Variants in ANKRD62 observed in about 807,000 individuals in gnomAD.
ANKRD62 encodes the protein ankyrin repeat domain 62.
In ANKRD62, 61 loss-of-function variants were observed where a neutral mutation model predicts 98.8. The ratio of observed to expected loss-of-function variants is 0.62; its 90% confidence interval spans 0.50 to 0.76. ANKRD62 has a LOEUF of 0.76. ANKRD62 is among the 30% of genes least tolerant of loss of function. The pLI is 0.00. For missense variants in ANKRD62, 933 were observed against 1,082.9 expected, an observed-to-expected ratio of 0.86 and a Z score of 1.94; for synonymous variants, 341 against 367.9, an observed-to-expected ratio of 0.93 and a Z score of 0.84.
chr18:12,141,321 C>A, the ANKRD62 span, among the ~76,000 whole-genome samples: 1 of 152,188 alleles, frequency 6.6e-6, no homozygotes, highest in Non-Finnish European at 1.5e-5. Flanking sequence ...TGATGCCTCG[C>A]CCTGCTTCAG....
At chr18:12,119,550 C>T (rs186925087) in intron 10 of ANKRD62, among the ~76,000 whole-genome samples, 17 of 152,004 alleles carry the variant, frequency 1.1e-4, no homozygotes, top group African/African-American at 2.9e-4. Flanking sequence ...GCAGAAGGGG[C>T]GGAGGAGCTC....
the ANKRD62 span, among the ~76,000 whole-genome samples, chr18:12,152,934 T>C: frequency 5.3e-5 from 8 of 152,194 alleles, no homozygotes; most frequent in Admixed American, 6.5e-5. Context: ...AAAAATCTCC[T>C]TAAGCTGATA....
chr18:12,104,173 T>C (rs1909366566), intron 7 of ANKRD62, among the ~76,000 whole-genome samples: 1 of 152,114 alleles, frequency 6.6e-6, no homozygotes, highest in African/African-American at 2.4e-5. Context: ...TATCACACAA[T>C]GAATTAATGT....
chr18:12,165,491 G>A, the ANKRD62 span, among the ~76,000 whole-genome samples: 2 of 145,462 alleles, frequency 1.4e-5, no homozygotes, highest in Middle Eastern at 3.6e-3. Context: ...TTAAACTGAT[G>A]ACAACATAAT....
At chr18:12,121,314 G>T (rs917749666) in intron 10 of ANKRD62, among the ~76,000 whole-genome samples, 15 of 152,144 alleles carry the variant, frequency 9.9e-5, no homozygotes, top group Non-Finnish European at 1.8e-4. Flanking sequence ...AGAGTTTTCG[G>T]ATTATTTGTT....
In ANKRD62 at chr18:12,122,384, G is replaced by A. The variant is rs756742325; in HGVS notation, c.1322G>A (p.Arg441Gln). 12 of 1,535,390 alleles carry A rather than the reference G, an allele frequency of 7.8e-6. No individual in the cohort carries two copies. The highest frequency in any genetic ancestry group is 5.9e-5 in the Admixed American group (3 of 50,956). Residue 441 changes from arginine to glutamine, a missense_variant, in exon 11 of 14, where the codon CGA becomes CAA. By Grantham distance (43) the Arg-to-Gln change is conservative. This residue lies in a region of ANKRD62 where 549 missense variants were observed against 587.9 expected (regional missense o/e 0.93). Coordinates refer to ENST00000587848, the MANE Select transcript of ANKRD62 (RefSeq NM_001277333.2). Reference protein sequence around the residue: ...SIEDQKCYCERLKVKFQKMKN... With the variant: ...SIEDQKCYCEQLKVKFQKMKN... Reference sequence around the variant, plus strand: ...GAGGATCAAAAATGTTACTGTGAACGACTTAAAGTAAAATTTCAAAAAATG... The same window carrying A: ...GAGGATCAAAAATGTTACTGTGAACAACTTAAAGTAAAATTTCAAAAAATG...
the ANKRD62 span, among the ~76,000 whole-genome samples, chr18:12,151,931 T>A: frequency 3.3e-5 from 5 of 152,142 alleles, no homozygotes; most frequent in South Asian, 1.0e-3. Context: ...CTACTAAAAA[T>A]GCTTCTATGC....
intron 5 of ANKRD62, 70 bp from the exon 6 acceptor site, chr18:12,099,545 A>C: frequency 1.1e-6 from 1 of 935,986 alleles, no homozygotes; most frequent in Non-Finnish European, 1.5e-6. Context: ...TTAAGAATTT[A>C]ATGTATTTGG....
chr18:12,150,368 T>C, the ANKRD62 span, among the ~76,000 whole-genome samples: 2 of 152,182 alleles, frequency 1.3e-5, no homozygotes, highest in East Asian at 3.9e-4. Context: ...AGCCAACAAC[T>C]TGGAAAACCT....
At chr18:12,141,036 C>A in the ANKRD62 span, among the ~76,000 whole-genome samples, 1 of 152,262 alleles carries the variant, frequency 6.6e-6, no homozygotes. Context: ...TGTTTACCTA[C>A]TCAAGACTGA....
At chr18:12,095,753 A>G in intron 3 of ANKRD62, 143 bp downstream of exon 3, 1 of 804,322 alleles carries the variant, frequency 1.2e-6, no homozygotes. Flanking sequence ...CTATTTAAAA[A>G]TACATTCATA....
chr18:12,134,629 G>GT (rs1237563538), downstream of ANKRD62, among the ~76,000 whole-genome samples: 2 of 151,932 alleles, frequency 1.3e-5, no homozygotes, highest in African/African-American at 2.4e-5. Context: ...GCGGTGTTTG[G>GT]TTTTTTGTCC....
At chr18:12,113,973 C>G (rs895041402) in intron 8 of ANKRD62, among the ~76,000 whole-genome samples, 12 of 152,170 alleles carry the variant, frequency 7.9e-5, no homozygotes, top group African/African-American at 2.9e-4. Context: ...AAAATGAGAT[C>G]ATGTCATTTG....
the ANKRD62 span, among the ~76,000 whole-genome samples, chr18:12,157,669 C>T: frequency 0.019 from 2,892 of 152,236 alleles, 86 homozygotes; most frequent in African/African-American, 0.066. Context: ...CATCTTTGTC[C>T]TTTCCTTTCT....
At chr18:12,168,763 A>T in the ANKRD62 span, among the ~76,000 whole-genome samples, 4 of 152,158 alleles carry the variant, frequency 2.6e-5, no homozygotes, top group Non-Finnish European at 5.9e-5. Flanking sequence ...CTTCCTAACC[A>T]TGAGCGTGGG....
chr18:12,108,300 G>A (rs1030176440), intron 8 of ANKRD62, among the ~76,000 whole-genome samples: 4 of 152,178 alleles, frequency 2.6e-5, no homozygotes, highest in Non-Finnish European at 5.9e-5. Flanking sequence ...GGCTGGGGAA[G>A]CCTCAGGAAA....
the ANKRD62 span, among the ~76,000 whole-genome samples, chr18:12,146,224 C>T: frequency 6.6e-6 from 1 of 151,290 alleles, no homozygotes; most frequent in Non-Finnish European, 1.5e-5. Context: ...ACCTCCCAAC[C>T]GGGGTCTCCA....
chr18:12,095,319 G>GTTAAA, intron 2 of ANKRD62, 34 bp downstream of exon 2: 1 of 1,533,042 alleles, frequency 6.5e-7, no homozygotes, highest in South Asian at 1.2e-5. Context: ...GCATGGGATG[G>GTTAAA]ATTTAATTTA....
chr18:12,094,777 TG>T (rs1909141461), intron 1 of ANKRD62, among the ~76,000 whole-genome samples: 2 of 53,464 alleles, frequency 3.7e-5, no homozygotes, highest in Non-Finnish European at 6.9e-5. Flanking sequence ...AGTGCAGGAC[TG>T]GTGTGGGGGT....
Sources: gnomAD v4.1 joint callset for allele counts (sites outside exome capture counted in the v4.1 genomes callset) on GRCh38, gnomAD v4.1.1 for gene constraint, gnomAD v4.1.1 regional missense constraint, MANE v1.5 for transcripts, NCBI Gene and HGNC (gene_info 2026-07-23, HGNC 2026-07-21) for gene names.